PTPRD: variants seen among roughly 807,000 people sequenced by gnomAD.
PTPRD encodes the protein protein tyrosine phosphatase receptor type D.
PTPRD carries 34 observed loss-of-function variants against 214.5 expected under a neutral mutation model. The ratio of observed to expected loss-of-function variants is 0.16; its 90% CI spans 0.12 to 0.21. The LOEUF is 0.21. Among genes scored for constraint, PTPRD ranks in the 10% least tolerant of loss-of-function variants. PTPRD has a pLI of 1.00. For synonymous variants in PTPRD, 1,128 were observed against 845.7 expected (o/e 1.33, Z -5.79); for missense variants, 2,545 against 2,398.7 (o/e 1.06, Z -1.27).
intron 3 of PTPRD, among the ~76,000 whole-genome samples, chr9:10,048,061 C>G (rs2097440504): frequency 1.3e-5 from 2 of 152,186 alleles, no homozygotes; most frequent in South Asian, 2.1e-4. Flanking sequence ...GCTCTTGAAT[C>G]CAGCCATCTA....
At chr9:8,905,183 A>C (rs192680147) in intron 11 of PTPRD, among the ~76,000 whole-genome samples, 1 of 152,292 alleles carries the variant, frequency 6.6e-6, no homozygotes, top group African/African-American at 2.4e-5. Context: ...AATCAATCCA[A>C]TGTTTATGTT....
intron 3 of PTPRD, among the ~76,000 whole-genome samples, chr9:10,152,376 A>G (rs2099066699): frequency 6.6e-6 from 1 of 151,688 alleles, no homozygotes; most frequent in South Asian, 2.1e-4. Flanking sequence ...TGTTTTTATT[A>G]TTGTTTTGAG....
At chr9:8,331,871 T>G in intron 43 of PTPRD, 135 bp from the exon 44 acceptor site, 3 of 1,021,096 alleles carry the variant, frequency 2.9e-6, no homozygotes, top group Non-Finnish European at 4.1e-6. Context: ...CATGTTTAAA[T>G]AGAAACTTAG....
chr9:9,603,961 C>A (rs2093973336), intron 7 of PTPRD, among the ~76,000 whole-genome samples: 1 of 151,848 alleles, frequency 6.6e-6, no homozygotes, highest in South Asian at 2.1e-4. Context: ...TCAACTGACA[C>A]AAAGCAAGAA....
intron 44 of PTPRD, among the ~76,000 whole-genome samples, chr9:8,325,977 G>C (rs998290126): frequency 6.6e-6 from 1 of 152,104 alleles, no homozygotes; most frequent in Non-Finnish European, 1.5e-5. Context: ...GGGATGAGAT[G>C]ATGGGGTTTT....
intron 35 of PTPRD, among the ~76,000 whole-genome samples, chr9:8,426,794 G>A (rs2094706145): frequency 7.0e-6 from 1 of 141,958 alleles, no homozygotes; most frequent in Admixed American, 7.4e-5. Context: ...GAAAATGTCT[G>A]AGGTTTTTTT....
At chr9:8,508,873 ATATGTGTGTGTGTG>A (rs2097598387) in intron 21 of PTPRD, among the ~76,000 whole-genome samples, 1 of 96,436 alleles carries the variant, frequency 1.0e-5, no homozygotes, top group Non-Finnish European at 2.1e-5. Context: ...CTGTGTATAT[ATATGTGTGTGTGTG>A]TGTCTGTGTG....
At chr9:9,121,639 A>G (rs2099817718) in intron 10 of PTPRD, among the ~76,000 whole-genome samples, 1 of 152,114 alleles carries the variant, frequency 6.6e-6, no homozygotes, top group African/African-American at 2.4e-5. Context: ...CAGAAGCCTA[A>G]GAAGGATACA....
At chr9:8,344,190 C>T (rs1855299093) in intron 39 of PTPRD, among the ~76,000 whole-genome samples, 2 of 152,074 alleles carry the variant, frequency 1.3e-5, no homozygotes, top group Non-Finnish European at 2.9e-5. Flanking sequence ...GTCTTCATTG[C>T]AGCTGTGAAT....
chr9:8,331,292 C>T (rs1262599177), intron 44 of PTPRD, among the ~76,000 whole-genome samples: 2 of 152,050 alleles, frequency 1.3e-5, no homozygotes, highest in Non-Finnish European at 2.9e-5. Flanking sequence ...CGAATTATTA[C>T]TAGGGGAGGT....
In PTPRD at chr9:10,244,978, T is replaced by C. The variant is rs557714173; in HGVS notation, c.-545+95985A>G. On this transcript the variant is annotated intron_variant, in intron 3 of 45. Transcript: ENST00000381196. ...AAACTCTTCTCATTTTCCCATTTCT[T>C]AATCATTAATAATAAAAATGAAACA... Among the ~76,000 whole-genome samples the C allele has an allele frequency of 3.3e-5, 5 of 152,270 alleles. No homozygotes were observed. The South Asian group carries it at 8.3e-4, about 25-fold the overall frequency.
intron 9 of PTPRD, among the ~76,000 whole-genome samples, chr9:9,379,805 T>C (rs1004825146): frequency 6.6e-6 from 1 of 152,056 alleles, no homozygotes; most frequent in African/African-American, 2.4e-5. Flanking sequence ...GTAAGTGTTA[T>C]TTTGTTTTTA....
chr9:10,103,035 T>C lies in PTPRD; in HGVS notation c.-544-69245A>G, dbSNP rs144474174. Among the ~76,000 whole-genome samples the C allele has an allele frequency of 2.2e-3, 337 of 151,686 alleles. 2 individuals carry two copies. The highest frequency in any genetic ancestry group is 6.2e-3 in the African/African-American group (256 of 41,436). ...GTAGGACTTAATGTCTAGAAACCAA[T>C]TAAACATGTTAAATTTAATAATGTA... On this transcript the variant is annotated intron_variant, in intron 3 of 45. Coordinates refer to ENST00000381196, the MANE Select transcript of PTPRD (RefSeq NM_002839.4).
intron 8 of PTPRD, among the ~76,000 whole-genome samples, chr9:9,568,557 C>T (rs1342921541): frequency 6.6e-6 from 1 of 151,850 alleles, no homozygotes; most frequent in East Asian, 1.9e-4. Context: ...TATTAACCAT[C>T]CAATTATGAC....
chr9:10,027,352 G>C (rs2096944062), intron 4 of PTPRD, among the ~76,000 whole-genome samples: 1 of 152,148 alleles, frequency 6.6e-6, no homozygotes. Flanking sequence ...GAGGTAGACA[G>C]AATTTGACCT....
intron 39 of PTPRD, among the ~76,000 whole-genome samples, chr9:8,362,440 T>C (rs1374521684): frequency 6.6e-6 from 1 of 152,104 alleles, no homozygotes; most frequent in Non-Finnish European, 1.5e-5. Flanking sequence ...TAACCATAGA[T>C]TGTAGAGGAG....
chr9:8,617,641 T>C (rs1272962773), intron 14 of PTPRD, among the ~76,000 whole-genome samples: 5 of 152,116 alleles, frequency 3.3e-5, no homozygotes, highest in Non-Finnish European at 7.4e-5. Context: ...AACTACTTTG[T>C]TTTTAAGTCT....
At chr9:10,207,262 AT>A (rs35819532) in intron 3 of PTPRD, among the ~76,000 whole-genome samples, 54,833 of 151,784 alleles carry the variant, frequency 0.36, 10,727 homozygotes, top group East Asian at 0.52. Context: ...TAGATAATGC[AT>A]TTTTTTGTCT....
At chr9:9,255,418 C>T (rs903753329) in intron 9 of PTPRD, among the ~76,000 whole-genome samples, 10 of 151,970 alleles carry the variant, frequency 6.6e-5, no homozygotes, top group Non-Finnish European at 1.5e-4. Context: ...ATAATAAAAA[C>T]CTCTTTATAT....
Sources: gnomAD v4.1 joint callset for allele counts (sites outside exome capture counted in the v4.1 genomes callset) on GRCh38, gnomAD v4.1.1 for gene constraint, MANE v1.5 for transcripts, NCBI Gene and HGNC (gene_info 2026-07-23, HGNC 2026-07-21) for gene names.